PIBF1: variants seen among roughly 807,000 people sequenced by gnomAD.
PIBF1 encodes progesterone-induced-blocking factor 1.
A neutral mutation model predicts 112.5 loss-of-function variants in PIBF1; 90 were observed. That is an observed-to-expected ratio of 0.80 (90% CI 0.67 to 0.95). The LOEUF is 0.95. PIBF1 is among the 40% of genes least tolerant of loss of function. The probability of loss-of-function intolerance (pLI) is 0.00; values close to 1 mark genes in which losing one functional copy is unlikely to be tolerated. For missense variants in PIBF1, 915 were observed against 852.3 expected (o/e 1.07, Z -0.92); for synonymous variants, 301 against 288.6 (o/e 1.04, Z -0.44).
intron 16 of PIBF1, among the ~76,000 whole-genome samples, chr13:72,974,819 G>A (rs2042980160): frequency 6.6e-6 from 1 of 152,088 alleles, no homozygotes; most frequent in South Asian, 2.1e-4. Context: ...AAATACCCAG[G>A]AACATGATTA....
intron 10 of PIBF1, 122 bp from the exon 11 acceptor site, chr13:72,893,662 T>G (rs1224027283): frequency 2.0e-6 from 1 of 504,718 alleles, no homozygotes; most frequent in Non-Finnish European, 3.3e-6. Flanking sequence ...CTTTGCTGAA[T>G]AAATATAAAT....
intron 14 of PIBF1, among the ~76,000 whole-genome samples, chr13:72,946,271 A>G (rs1173020193): frequency 6.6e-6 from 1 of 152,140 alleles, no homozygotes. Context: ...TACAAAAACC[A>G]TCAGACCTTG....
In PIBF1 at chr13:72,795,489, A is replaced by T. The variant is rs1420570322; in HGVS notation, c.484A>T (p.Thr162Ser). 1 of 1,609,566 alleles carries T rather than the reference A, an allele frequency of 6.2e-7. No individual in the cohort carries two copies. The highest frequency in any genetic ancestry group is 1.3e-5 in the African/African-American group (1 of 74,692). Residue 162 changes from threonine to serine, a missense_variant, in exon 4 of 18, where the codon ACA (threonine) becomes TCA (serine). Coordinates refer to ENST00000326291, the MANE Select transcript of PIBF1 (RefSeq NM_006346.4). ...VRRNLRDFEL[T>S]EEQYIKLKAF... ...TCGAAACCTGCGTGACTTTGAGTTG[A>T]CAGAAGAGCAATATATTAAATTAAA...
chr13:72,956,646 T>C (rs1482891218), intron 14 of PIBF1, among the ~76,000 whole-genome samples: 1 of 152,200 alleles, frequency 6.6e-6, no homozygotes, highest in Non-Finnish European at 1.5e-5. Context: ...GTCCTGTAAC[T>C]CTGATGGCTC....
In PIBF1 at chr13:72,998,990, C is replaced by T. The variant is rs367546126; in HGVS notation, c.2218C>T (p.Leu740Phe). 4 of 1,561,976 alleles carry T rather than the reference C, an allele frequency of 2.6e-6. No homozygotes were observed. In the African/African-American group the frequency reaches 4.1e-5, roughly 16 times the overall value. Residue 740 changes from leucine (L) to phenylalanine (F), a missense_variant, in exon 17 of 18, where the codon CTC becomes TTC. Coordinates refer to ENST00000326291, the MANE Select transcript of PIBF1 (RefSeq NM_006346.4). ...CAATATATTTACACCTAAACCAACA[C>T]TCTTTGTAAGTACAATTTTTAAAAC... ...EDNIFTPKPTLFTKKEAPEWS... is the reference protein window; with the variant it reads ...EDNIFTPKPTFFTKKEAPEWS...
At chr13:72,986,604 C>T (rs1228883784) in intron 16 of PIBF1, among the ~76,000 whole-genome samples, 6 of 150,256 alleles carry the variant, frequency 4.0e-5, no homozygotes, top group African/African-American at 1.2e-4. Context: ...TGCTATCATT[C>T]GTATAAAAGC....
intron 17 of PIBF1, among the ~76,000 whole-genome samples, chr13:73,007,144 A>G (rs2044056103): frequency 1.3e-5 from 2 of 151,942 alleles, no homozygotes; most frequent in Non-Finnish European, 2.9e-5. Flanking sequence ...AATCCCATTA[A>G]TACCTGAAGC....
chr13:72,864,352 T>C lies in PIBF1; in HGVS notation c.1322+10197T>C, dbSNP rs115496847. Among the ~76,000 whole-genome samples the C allele has an allele frequency of 5.3e-3, 811 of 152,290 alleles. 14 individuals carry two copies. The highest frequency in any genetic ancestry group is 0.018 in the African/African-American group (761 of 41,556). On this transcript the variant is annotated intron_variant, in intron 10 of 17. Transcript: ENST00000326291. ...GACTGAATCAATACAAATATGTAAG[T>C]GTTACTAGAAAAAGAACTCAAGTAC...
At chr13:72,808,961 C>A (rs935900676) in intron 5 of PIBF1, among the ~76,000 whole-genome samples, 1 of 152,012 alleles carries the variant, frequency 6.6e-6, no homozygotes, top group Non-Finnish European at 1.5e-5. Context: ...GTTTTGAGAC[C>A]AGCAATTAAG....
intron 15 of PIBF1, among the ~76,000 whole-genome samples, chr13:72,972,513 A>G (rs1380908409): frequency 7.2e-5 from 11 of 152,054 alleles, no homozygotes; most frequent in Admixed American, 7.2e-4. Context: ...AAAATACAAA[A>G]ATTAGCCGGG....
intron 5 of PIBF1, among the ~76,000 whole-genome samples, chr13:72,816,710 C>A (rs531779525): frequency 2.7e-5 from 4 of 148,870 alleles, no homozygotes; most frequent in South Asian, 4.3e-4. Context: ...AAAAAAAAAG[C>A]CTTAAGTTTT....
intron 17 of PIBF1, among the ~76,000 whole-genome samples, chr13:73,007,724 G>A (rs1006549037): frequency 2.0e-5 from 3 of 151,206 alleles, no homozygotes; most frequent in African/African-American, 4.9e-5. Context: ...CAGGAGAATC[G>A]CTTGAACCCA....
intron 14 of PIBF1, among the ~76,000 whole-genome samples, chr13:72,931,718 G>GTATATATATATATATA (rs3077704): frequency 0.028 from 2,883 of 101,488 alleles, 142 homozygotes; most frequent in East Asian, 0.04. Flanking sequence ...TTTAAACTAC[G>GTATATATATATATATA]TATATATATA....
At chr13:73,014,411 T>C (rs1322219873) in intron 17 of PIBF1, among the ~76,000 whole-genome samples, 1 of 152,194 alleles carries the variant, frequency 6.6e-6, no homozygotes, top group Non-Finnish European at 1.5e-5. Flanking sequence ...TGAATGTAGA[T>C]GCAAAAATCT....
chr13:72,867,180 A>T (rs1335720494), intron 10 of PIBF1, among the ~76,000 whole-genome samples: 1 of 152,072 alleles, frequency 6.6e-6, no homozygotes, highest in East Asian at 1.9e-4. Flanking sequence ...AATAAGTCTA[A>T]CAAGATCTGG....
At chr13:72,908,755 A>T (rs1347047686) in intron 12 of PIBF1, 74 bp downstream of exon 12, 1 of 1,395,998 alleles carries the variant, frequency 7.2e-7, no homozygotes, top group East Asian at 2.4e-5. Flanking sequence ...CTTATTTCTA[A>T]AACTACTTTG....
intron 12 of PIBF1, among the ~76,000 whole-genome samples, chr13:72,910,349 A>C (rs531115629): frequency 6.6e-6 from 1 of 152,108 alleles, no homozygotes; most frequent in Non-Finnish European, 1.5e-5. Context: ...GATTAGACTC[A>C]TGTTTATCTT....
At chr13:72,993,181 G>A (rs1206428464) in intron 16 of PIBF1, among the ~76,000 whole-genome samples, 1 of 151,764 alleles carries the variant, frequency 6.6e-6, no homozygotes, top group Non-Finnish European at 1.5e-5. Flanking sequence ...ATAATTAGCC[G>A]GGCATGGTTG....
intron 13 of PIBF1, among the ~76,000 whole-genome samples, chr13:72,923,491 G>A (rs1348052791): frequency 6.6e-6 from 1 of 152,154 alleles, no homozygotes; most frequent in African/African-American, 2.4e-5. Flanking sequence ...CTTGGTATAA[G>A]TGAAAATCAT....
Sources: gnomAD v4.1 joint callset for allele counts (sites outside exome capture counted in the v4.1 genomes callset) on GRCh38, gnomAD v4.1.1 for gene constraint, MANE v1.5 for transcripts, NCBI Gene and HGNC (gene_info 2026-07-23, HGNC 2026-07-21) for gene names.